The following CPA6 variants were observed in gnomAD, a reference collection of about 807,000 sequenced individuals.
The protein encoded by CPA6 is carboxypeptidase B.
A neutral mutation model predicts 63.3 loss-of-function variants in CPA6; 58 were observed. The observed-to-expected ratio is 0.92, with a 90% CI of 0.74 to 1.14. The LOEUF (loss-of-function observed/expected upper bound fraction) is 1.14. Ranked by LOEUF, CPA6 falls within the 50% of genes most tolerant of loss-of-function variation. The probability of loss-of-function intolerance (pLI) is 0.00; values close to 1 mark genes in which losing one functional copy is unlikely to be tolerated. For synonymous variants in CPA6, 185 were observed against 179.0 expected (o/e 1.03, Z -0.27); for missense variants, 565 against 526.6 (o/e 1.07, Z -0.71).
intron 8 of CPA6, among the ~76,000 whole-genome samples, chr8:67,479,343 C>T (rs531596025): frequency 6.6e-6 from 1 of 152,306 alleles, no homozygotes; most frequent in Admixed American, 6.5e-5. Flanking sequence ...TTCACCTTGC[C>T]TCAAATTGCC....
intron 1 of CPA6, among the ~76,000 whole-genome samples, chr8:67,657,399 C>T (rs952719819): frequency 6.6e-6 from 1 of 152,180 alleles, no homozygotes. Flanking sequence ...GAAGTAAACA[C>T]ACAAACCAAC....
chr8:67,730,514 T>G (rs752988434), intron 1 of CPA6, among the ~76,000 whole-genome samples: 1 of 152,176 alleles, frequency 6.6e-6, no homozygotes, highest in Non-Finnish European at 1.5e-5. Flanking sequence ...CCACTGGTGA[T>G]TAGCTCAAAC....
At position 67,509,573 on chromosome 8, in the gene CPA6, T is replaced by C; in HGVS notation, c.478A>G (p.Ile160Val). The C allele has an allele frequency of 1.3e-6, 2 of 1,599,984 alleles. No individual in the cohort carries two copies. The highest frequency in any genetic ancestry group is 1.7e-6 in the Non-Finnish European group (2 of 1,171,230). ...HHLNKTHSGL[I>V]HMFSIGRSYE... ...GATCTTCCAATAGAGAACATGTGAA[T>C]GAGGCCTGAGTGAGTTTTATTCAGA... The change falls in exon 5 of 11, where the codon ATT (isoleucine) becomes GTT (valine). Residue 160 changes from isoleucine to valine, a missense_variant. Transcript: ENST00000297770.
At chr8:67,638,389 TA>T (rs1413521885) in intron 1 of CPA6, among the ~76,000 whole-genome samples, 2 of 151,266 alleles carry the variant, frequency 1.3e-5, no homozygotes, top group Admixed American at 6.6e-5. Context: ...AAATTCACCC[TA>T]AAAAATCAAC....
At chr8:67,739,181 C>T (rs115039120) in intron 1 of CPA6, among the ~76,000 whole-genome samples, 6 of 152,114 alleles carry the variant, frequency 3.9e-5, no homozygotes, top group African/African-American at 7.2e-5. Context: ...GTGCTGACCC[C>T]CATACAGTCT....
chr8:67,474,530 A>C (rs918855251), intron 8 of CPA6, among the ~76,000 whole-genome samples: 1 of 152,102 alleles, frequency 6.6e-6, no homozygotes, highest in Admixed American at 6.6e-5. Flanking sequence ...CGCAGCTTTT[A>C]TCTTTTTGGC....
chr8:67,709,568 T>G (rs1020499040), intron 1 of CPA6, among the ~76,000 whole-genome samples: 24 of 152,172 alleles, frequency 1.6e-4, no homozygotes, highest in Admixed American at 3.9e-4. Flanking sequence ...AAAATCAAAC[T>G]CTGTAAAATT....
intron 1 of CPA6, among the ~76,000 whole-genome samples, chr8:67,631,942 T>C (rs1815343108): frequency 6.6e-6 from 1 of 151,838 alleles, no homozygotes; most frequent in Non-Finnish European, 1.5e-5. Flanking sequence ...TCTGAACATG[T>C]CCGAACATCA....
intron 2 of CPA6, among the ~76,000 whole-genome samples, chr8:67,543,484 C>G (rs192422013): frequency 2.5e-4 from 38 of 152,244 alleles, no homozygotes; most frequent in African/African-American, 7.9e-4. Flanking sequence ...GACAAATACA[C>G]AGTTAAAGAT....
At chr8:67,576,429 A>C (rs1459205198) in intron 2 of CPA6, among the ~76,000 whole-genome samples, 1 of 152,244 alleles carries the variant, frequency 6.6e-6, no homozygotes, top group Non-Finnish European at 1.5e-5. Flanking sequence ...TGTGTAAAAC[A>C]TATGACCACT....
intron 2 of CPA6, among the ~76,000 whole-genome samples, chr8:67,607,125 TCC>T: frequency 1.1e-5 from 1 of 91,594 alleles, no homozygotes; most frequent in Non-Finnish European, 2.0e-5. Context: ...CTCCTCCTCC[TCC>T]TCCTCCTCCC....
At chr8:67,583,376 G>A (rs1429352095) in intron 2 of CPA6, among the ~76,000 whole-genome samples, 1 of 152,134 alleles carries the variant, frequency 6.6e-6, no homozygotes, top group African/African-American at 2.4e-5. Context: ...ATACCATAAT[G>A]GAGGGTGAAA....
At chr8:67,597,198 CTTTTTTTTTTT>C (rs1219322033) in intron 2 of CPA6, among the ~76,000 whole-genome samples, 1 of 135,098 alleles carries the variant, frequency 7.4e-6, no homozygotes, top group Non-Finnish European at 1.6e-5. Flanking sequence ...CTCTGTGTCT[CTTTTTTTTTTT>C]TTTTTTTGAG....
chr8:67,745,021 C>T (rs1008056485), intron 1 of CPA6, among the ~76,000 whole-genome samples: 2 of 152,178 alleles, frequency 1.3e-5, no homozygotes, highest in African/African-American at 4.8e-5. Flanking sequence ...TCCAGGGTCA[C>T]ACTTACAAAT....
rs535617213 is a variant in CPA6 at position 67,593,113 on chromosome 8, T to G, written c.192+31063A>C. On this transcript the variant is annotated intron_variant, in intron 2 of 10. Coordinates refer to ENST00000297770, the MANE Select transcript of CPA6 (RefSeq NM_020361.5). The stretch of plus-strand genomic sequence containing the variant: ...TTGTTCTCGTTGGTTTCAAAGAACA[T>G]CTTTATTTCTGCCTTCATTTCATTA... 1.3e-3 allele frequency among the ~76,000 whole-genome samples: 197 copies of G among 150,684 alleles called. 1 individual carries two copies. In the Middle Eastern group the frequency reaches 0.021, roughly 16 times the overall value.
At chr8:67,696,181 C>G (rs773329819) in intron 1 of CPA6, among the ~76,000 whole-genome samples, 1 of 152,072 alleles carries the variant, frequency 6.6e-6, no homozygotes, top group Non-Finnish European at 1.5e-5. Flanking sequence ...CCAGGATAAC[C>G]ATATGCTGGG....
intron 1 of CPA6, among the ~76,000 whole-genome samples, chr8:67,714,201 G>A (rs1044102700): frequency 2.6e-5 from 4 of 152,028 alleles, no homozygotes; most frequent in Admixed American, 1.3e-4. Flanking sequence ...CTTCTTCACC[G>A]CGTCTCCACT....
At chr8:67,483,641 C>T (rs755945751) in intron 8 of CPA6, 127 bp downstream of exon 8, 2 of 805,624 alleles carry the variant, frequency 2.5e-6, no homozygotes, top group South Asian at 1.3e-5. Flanking sequence ...GTATCTGTAC[C>T]TTTCTCTACC....
intron 2 of CPA6, among the ~76,000 whole-genome samples, chr8:67,564,841 T>G (rs888956543): frequency 2.0e-5 from 3 of 152,192 alleles, no homozygotes; most frequent in African/African-American, 7.2e-5. Context: ...CTATCCCAAT[T>G]AAACAATGAT....
Sources: gnomAD v4.1 joint callset for allele counts (sites outside exome capture counted in the v4.1 genomes callset) on GRCh38, gnomAD v4.1.1 for gene constraint, MANE v1.5 for transcripts, NCBI Gene and HGNC (gene_info 2026-07-23, HGNC 2026-07-21) for gene names.